The following IFT88 variants were observed in gnomAD, a reference collection of about 807,000 sequenced individuals.
IFT88 encodes the protein intraflagellar transport protein 88 homolog.
A neutral mutation model predicts 119.5 loss-of-function variants in IFT88; 74 were observed. The observed-to-expected ratio is 0.62, with a 90% CI of 0.51 to 0.75. The LOEUF (loss-of-function observed/expected upper bound fraction) is 0.75, where lower values mean the gene tolerates loss of function less well. Ranked by LOEUF, IFT88 falls within the 30% of genes least tolerant of loss-of-function variation. The pLI, the probability that IFT88 is intolerant of heterozygous loss-of-function variation, is 0.00. For missense variants in IFT88, 961 were observed against 977.7 expected (o/e 0.98, Z 0.23); for synonymous variants, 279 against 316.7 (o/e 0.88, Z 1.26).
At chr13:20,588,765 G>A (rs887409091) in intron 3 of IFT88, among the ~76,000 whole-genome samples, 1 of 152,152 alleles carries the variant, frequency 6.6e-6, no homozygotes, top group Non-Finnish European at 1.5e-5. Context: ...TTTACTTATG[G>A]TACTAGCAGC....
At chr13:20,623,000 A>G (rs1327076367) in intron 14 of IFT88, among the ~76,000 whole-genome samples, 1 of 152,182 alleles carries the variant, frequency 6.6e-6, no homozygotes, top group Non-Finnish European at 1.5e-5. Flanking sequence ...TAATTTTTGT[A>G]CATAGTGTTA....
intron 3 of IFT88, among the ~76,000 whole-genome samples, chr13:20,585,100 C>G (rs2039423962): frequency 6.6e-6 from 1 of 152,184 alleles, no homozygotes; most frequent in Admixed American, 6.5e-5. Context: ...AAAAATAAAT[C>G]ATTGTGAGTA....
intron 22 of IFT88, among the ~76,000 whole-genome samples, chr13:20,658,176 A>C (rs538340851): frequency 2.0e-5 from 3 of 151,780 alleles, no homozygotes; most frequent in African/African-American, 7.3e-5. Context: ...GGCTCACTGC[A>C]ACCTCTGCCT....
chr13:20,585,424 C>T (rs184172674), intron 3 of IFT88, among the ~76,000 whole-genome samples: 36 of 152,364 alleles, frequency 2.4e-4, no homozygotes, highest in African/African-American at 8.4e-4. Context: ...TGATTGTCCT[C>T]TCCCTGTGGA....
At chr13:20,690,537 A>G (rs749213356) in intron 24 of IFT88, among the ~76,000 whole-genome samples, 168 bp from the exon 25 acceptor site, 4 of 152,204 alleles carry the variant, frequency 2.6e-5, no homozygotes, top group Non-Finnish European at 5.9e-5. Context: ...TTCCCACAAG[A>G]TATTTCTTTT....
chr13:20,682,671 A>G (rs2057456754), intron 24 of IFT88, among the ~76,000 whole-genome samples: 1 of 152,242 alleles, frequency 6.6e-6, no homozygotes, highest in Admixed American at 6.5e-5. Context: ...TTTGTAAGTG[A>G]TCATAACATT....
chr13:20,618,214 C>T (rs2139729615), intron 14 of IFT88, among the ~76,000 whole-genome samples: 1 of 152,346 alleles, frequency 6.6e-6, no homozygotes, highest in East Asian at 1.9e-4. Flanking sequence ...GCCACTGCGC[C>T]TGGCCGGATC....
At chr13:20,632,232 G>A (rs1412127074) in intron 16 of IFT88, 1 of 151,896 alleles carries the variant, frequency 6.6e-6, no homozygotes, top group African/African-American at 2.4e-5. Context: ...ACTGATCTGT[G>A]TGATTTTTCA....
chr13:20,571,823 C>T (rs1345771790), intron 1 of IFT88, among the ~76,000 whole-genome samples: 1 of 152,160 alleles, frequency 6.6e-6, no homozygotes. Flanking sequence ...CAAGTTATCT[C>T]AGCAGCTATA....
chr13:20,632,492 C>T (rs374925832), intron 16 of IFT88, among the ~76,000 whole-genome samples: 16 of 152,290 alleles, frequency 1.1e-4, no homozygotes, highest in East Asian at 7.7e-4. Context: ...GAATTTCCAG[C>T]GTCTTGGGTT....
intron 24 of IFT88, among the ~76,000 whole-genome samples, chr13:20,679,675 GAC>G (rs769659979): frequency 2.0e-5 from 3 of 152,188 alleles, no homozygotes; most frequent in African/African-American, 7.2e-5. Flanking sequence ...AAGGCGGACA[GAC>G]ACAACTATGT....
chr13:20,643,811 T>C (rs1203786454), intron 19 of IFT88, among the ~76,000 whole-genome samples: 1 of 152,230 alleles, frequency 6.6e-6, no homozygotes, highest in Non-Finnish European at 1.5e-5. Flanking sequence ...TGCTGCACAG[T>C]GGTGCAGTCT....
chr13:20,646,201 A>T (rs1350497169), intron 20 of IFT88, among the ~76,000 whole-genome samples: 1 of 151,114 alleles, frequency 6.6e-6, no homozygotes, highest in Non-Finnish European at 1.5e-5. Flanking sequence ...ACAAGTTTTG[A>T]CCTCCCTAAC....
rs1028850051 is a variant in IFT88 at position 20,663,660 on chromosome 13, T to C, written c.2175+56T>C. ...GTTAATTTTTAGAATGTCAGCCTTC[T>C]ATAGCTCAAATGTGTGATGTTAGGA... On this transcript the variant is annotated intron_variant, in intron 23 of 25. Coordinates refer to ENST00000351808, the MANE Select transcript of IFT88 (RefSeq NM_006531.5). 1.8e-4 allele frequency: 223 copies of C among 1,250,668 alleles called. 2 individuals are homozygous for C. The highest frequency in any genetic ancestry group is 2.0e-4 in the Non-Finnish European group (174 of 868,488). The allele number at this position is 1,250,668 out of a possible 1,614,324, so 77.5% of individuals were successfully genotyped here. A position where few individuals can be genotyped will look rare whatever the true frequency, so the allele number is the denominator to read the frequency against.
chr13:20,645,309 C>T (rs745572086), intron 20 of IFT88, among the ~76,000 whole-genome samples: 5 of 152,084 alleles, frequency 3.3e-5, no homozygotes, highest in South Asian at 4.1e-4. Context: ...AGGCTGGTCT[C>T]GAACTCCTGA....
chr13:20,659,641 T>G (rs1191267357), intron 22 of IFT88, among the ~76,000 whole-genome samples: 2 of 96,192 alleles, frequency 2.1e-5, no homozygotes, highest in African/African-American at 8.0e-5. Context: ...TTACAATACT[T>G]TATGGTCTTT....
intron 13 of IFT88, among the ~76,000 whole-genome samples, chr13:20,611,514 CAAAAAAAAAAA>C (rs56062553): frequency 3.4e-4 from 20 of 59,074 alleles, no homozygotes; most frequent in Admixed American, 3.3e-3. Context: ...GACCCAGTCT[CAAAAAAAAAAA>C]AAAAAAAAAA....
At chr13:20,587,958 G>T (rs2039999639) in intron 3 of IFT88, among the ~76,000 whole-genome samples, 1 of 144,052 alleles carries the variant, frequency 6.9e-6, no homozygotes, top group Non-Finnish European at 1.5e-5. Flanking sequence ...ATTTAATGAA[G>T]TTACTGATTT....
intron 15 of IFT88, 62 bp from the exon 16 acceptor site, chr13:20,630,954 G>T: frequency 2.8e-6 from 3 of 1,073,118 alleles, no homozygotes; most frequent in South Asian, 2.7e-5. Context: ...TCTTTTCCCC[G>T]ACCATAAGCT....
Sources: gnomAD v4.1 joint callset for allele counts (sites outside exome capture counted in the v4.1 genomes callset) on GRCh38, gnomAD v4.1.1 for gene constraint, MANE v1.5 for transcripts, NCBI Gene and HGNC (gene_info 2026-07-23, HGNC 2026-07-21) for gene names.